The following TCF20 variants were observed in gnomAD, a reference collection of about 807,000 sequenced individuals.
The protein encoded by TCF20 is SPRE-binding protein.
In TCF20, 3 loss-of-function variants were observed where a neutral mutation model predicts 148.6. That is an observed-to-expected ratio of 0.02 (90% confidence interval 0.01 to 0.05). The LOEUF (loss-of-function observed/expected upper bound fraction) is 0.05, where lower values mean the gene tolerates loss of function less well. Ranked by LOEUF, TCF20 falls within the 10% of genes least tolerant of loss-of-function variation. The pLI, the probability that TCF20 is intolerant of heterozygous loss-of-function variation, is 1.00. For synonymous variants in TCF20, 1,049 were observed against 909.5 expected (o/e 1.15, Z -2.76); for missense variants, 2,350 against 2,429.3 (o/e 0.97, Z 0.69).
Position 42,179,715 on chromosome 22 carries a change from GA to G in TCF20, c.5656-14del. 3 of 1,597,954 alleles carry G rather than the reference GA, an allele frequency of 1.9e-6. No homozygotes were observed. Among genetic ancestry groups the G allele is most frequent in the Non-Finnish European group, 2.6e-6 (3 of 1,165,440 alleles). ...AGTGGGAACATTTCTGAAAGGAAGG[GA>G]AAAGTCAGGCATGTCAGTATCCCAG... is the stretch of plus-strand genomic sequence containing the variant. On this transcript the variant is annotated splice_polypyrimidine_tract_variant and intron_variant, in intron 2 of 5. Coordinates refer to ENST00000677622, the MANE Select transcript of TCF20 (RefSeq NM_001378418.1).
intron 1 of TCF20, among the ~76,000 whole-genome samples, chr22:42,333,036 C>T (rs1332185051): frequency 6.6e-6 from 1 of 152,228 alleles, no homozygotes; most frequent in African/African-American, 2.4e-5. Flanking sequence ...GAAGTGTGCA[C>T]TTTTCTGTAT....
intron 1 of TCF20, among the ~76,000 whole-genome samples, chr22:42,255,269 G>A (rs978247585): frequency 1.1e-4 from 16 of 151,956 alleles, no homozygotes; most frequent in African/African-American, 2.9e-4. Flanking sequence ...GGCGGATCAC[G>A]AGGTCAGGAA....
chr22:42,236,966 G>T (rs771411939), intron 1 of TCF20, among the ~76,000 whole-genome samples: 1 of 152,244 alleles, frequency 6.6e-6, no homozygotes, highest in Admixed American at 6.5e-5. Context: ...TTTTGCTGAC[G>T]GAGGGTCTTG....
chr22:42,185,454 T>A (rs2147111404), intron 2 of TCF20, among the ~76,000 whole-genome samples: 1 of 152,312 alleles, frequency 6.6e-6, no homozygotes, highest in East Asian at 1.9e-4. Flanking sequence ...CTTCAATGAG[T>A]TACAAAACTG....
rs372989173 is a variant in TCF20 at position 42,337,010 on chromosome 22, C to T, written c.-37+6469G>A. On this transcript the variant is annotated intron_variant, in intron 1 of 1. Coordinates refer to the TCF20 transcript ENST00000515426. The stretch of plus-strand genomic sequence containing the variant: ...GGAGTTGCACAACACAGTGGCTGTG[C>T]GTGAAGAGTCACTGCTGTGCCCTCG... Among the ~76,000 whole-genome samples, 225 of 152,298 alleles carry T rather than the reference C, an allele frequency of 1.5e-3. 1 individual carries two copies. Among genetic ancestry groups the T allele is most frequent in the African/African-American group, 5.1e-3 (210 of 41,568 alleles).
At chr22:42,241,407 C>T (rs1368267597) in intron 1 of TCF20, among the ~76,000 whole-genome samples, 7 of 151,960 alleles carry the variant, frequency 4.6e-5, no homozygotes, top group Admixed American at 3.9e-4. Context: ...GAAATAAAAG[C>T]GAAGTTTGAA....
rs869288602 is a variant in TCF20, at chr22:42,254,315, CTT to C, written c.-37+16022_-37+16023del. Among the ~76,000 whole-genome samples, 3 of 129,000 alleles carry C rather than the reference CTT, an allele frequency of 2.3e-5. No homozygotes were observed. The Admixed American group carries it at 2.5e-4, about 11-fold the overall frequency. The allele number at this position is 129,000 out of a possible 152,430, so 84.6% of individuals were successfully genotyped here. Reference sequence around the variant, plus strand: ...GTACTTCCCAGCTCCACTCCACTTTCTTTTTCTTTGTTTCTATAATCCAAAAC... The same window carrying C: ...GTACTTCCCAGCTCCACTCCACTTTCTTTCTTTGTTTCTATAATCCAAAAC... On this transcript the variant is annotated intron_variant, in intron 1 of 5. Coordinates refer to ENST00000677622, the MANE Select transcript of TCF20 (RefSeq NM_001378418.1).
At chr22:42,294,460 T>A (rs1601696371) in intron 1 of TCF20, among the ~76,000 whole-genome samples, 1 of 151,456 alleles carries the variant, frequency 6.6e-6, no homozygotes, top group African/African-American at 2.4e-5. Flanking sequence ...CTGCTGGGGG[T>A]CGGCGTGGCA....
intron 2 of TCF20, among the ~76,000 whole-genome samples, chr22:42,199,147 G>C (rs1414189397): frequency 6.6e-6 from 1 of 152,126 alleles, no homozygotes; most frequent in African/African-American, 2.4e-5. Context: ...AGTTCCATTA[G>C]TTTTACAATA....
At chr22:42,186,088 G>C (rs1263898737) in intron 2 of TCF20, among the ~76,000 whole-genome samples, 1 of 152,250 alleles carries the variant, frequency 6.6e-6, no homozygotes, top group Non-Finnish European at 1.5e-5. Flanking sequence ...AATCAATTAT[G>C]ATGTCAGTAT....
chr22:42,220,076 T>C (rs915009303), intron 1 of TCF20, among the ~76,000 whole-genome samples: 1 of 152,196 alleles, frequency 6.6e-6, no homozygotes, highest in Non-Finnish European at 1.5e-5. Flanking sequence ...CCCCATCCTA[T>C]TAGAGGGCTG....
intron 3 of TCF20, among the ~76,000 whole-genome samples, chr22:42,176,368 G>A (rs1936451277): frequency 1.1e-5 from 1 of 91,212 alleles, no homozygotes; most frequent in Non-Finnish European, 2.5e-5. Context: ...CAACTGCTGC[G>A]CTGGAAGGAA....
intron 2 of TCF20, among the ~76,000 whole-genome samples, chr22:42,191,147 T>A (rs868821662): frequency 1.3e-5 from 2 of 152,236 alleles, no homozygotes; most frequent in African/African-American, 4.8e-5. Flanking sequence ...CCTGGTTTAG[T>A]AATTTTTCTC....
chr22:42,178,161 T>TGC (rs1936555379), intron 3 of TCF20, among the ~76,000 whole-genome samples: 1 of 152,222 alleles, frequency 6.6e-6, no homozygotes, highest in South Asian at 2.1e-4. Context: ...GGACGCTCCA[T>TGC]GCCCCTGCCC....
intron 2 of TCF20, among the ~76,000 whole-genome samples, chr22:42,206,338 C>G (rs1938382965): frequency 6.6e-6 from 1 of 152,084 alleles, no homozygotes; most frequent in Admixed American, 6.6e-5. Flanking sequence ...GATGGATGAT[C>G]TGAGGTCAGG....
At chr22:42,305,023 C>T (rs1233345901) in intron 1 of TCF20, among the ~76,000 whole-genome samples, 1 of 152,100 alleles carries the variant, frequency 6.6e-6, no homozygotes, top group Non-Finnish European at 1.5e-5. Flanking sequence ...AGGGAATGCA[C>T]AGCCTGTGGG....
intron 3 of TCF20, among the ~76,000 whole-genome samples, chr22:42,175,372 C>A (rs1056369863): frequency 2.0e-5 from 3 of 152,072 alleles, no homozygotes; most frequent in Non-Finnish European, 4.4e-5. Context: ...GACAGAGTCT[C>A]GCTCTGTTGC....
chr22:42,255,068 G>A (rs1343773093), intron 1 of TCF20, among the ~76,000 whole-genome samples: 1 of 151,720 alleles, frequency 6.6e-6, no homozygotes, highest in Non-Finnish European at 1.5e-5. Context: ...CCTTGGGCAA[G>A]TCACTCAACC....
At chr22:42,272,083 G>T (rs1926641785), upstream of TCF20, among the ~76,000 whole-genome samples, 3 of 152,220 alleles carry the variant, frequency 2.0e-5, no homozygotes, top group Non-Finnish European at 4.4e-5. Flanking sequence ...TGGCTCCAAA[G>T]CAGGTCAGGA....
Sources: gnomAD v4.1 joint callset for allele counts (sites outside exome capture counted in the v4.1 genomes callset) on GRCh38, gnomAD v4.1.1 for gene constraint, MANE v1.5 for transcripts, NCBI Gene and HGNC (gene_info 2026-07-23, HGNC 2026-07-21) for gene names.